FGF18: variants seen among roughly 807,000 people sequenced by gnomAD.
The protein encoded by FGF18 is fibroblast growth factor 18.
Under a neutral mutation model 23.0 loss-of-function variants are expected in FGF18, and 5 were observed. The observed-to-expected ratio is 0.22, with a 90% CI of 0.11 to 0.46. The LOEUF (loss-of-function observed/expected upper bound fraction) is 0.46. Among genes scored for constraint, FGF18 ranks in the 20% least tolerant of loss-of-function variants. The probability of loss-of-function intolerance (pLI) is 0.99; values close to 1 mark genes in which losing one functional copy is unlikely to be tolerated. For missense variants in FGF18, 180 were observed against 291.6 expected, an observed-to-expected ratio of 0.62 and a Z score of 2.79; for synonymous variants, 117 against 118.9, an observed-to-expected ratio of 0.98 and a Z score of 0.10.
chr5:171,452,151 G>A lies in FGF18; in HGVS notation c.357+2898G>A, dbSNP rs570079887. Among the ~76,000 whole-genome samples, 20 of 152,350 alleles carry A rather than the reference G, an allele frequency of 1.3e-4. No homozygotes were observed. In the South Asian group the frequency reaches 3.9e-3, roughly 30 times the overall value. ...CACATCAACCCAAGGGAGTCTAAGC[G>A]CCCTGGCCTTGCTGAGCCTCAGCGT... On this transcript the variant is annotated intron_variant, in intron 4 of 4. Coordinates refer to ENST00000274625, the MANE Select transcript of FGF18 (RefSeq NM_003862.3).
chr5:171,421,715 G>A (rs936425664), intron 2 of FGF18, among the ~76,000 whole-genome samples: 1 of 152,172 alleles, frequency 6.6e-6, no homozygotes, highest in Non-Finnish European at 1.5e-5. Flanking sequence ...CACTGAGCTG[G>A]GGGCATCCAT....
chr5:171,423,073 T>G (rs1772040513), intron 2 of FGF18, among the ~76,000 whole-genome samples: 1 of 152,154 alleles, frequency 6.6e-6, no homozygotes, highest in Admixed American at 6.5e-5. Flanking sequence ...GCGGTGGAGT[T>G]TCTGGGCCCC....
chr5:171,423,690 C>G (rs1296328758), intron 2 of FGF18, among the ~76,000 whole-genome samples: 3 of 151,568 alleles, frequency 2.0e-5, no homozygotes, highest in Admixed American at 2.0e-4. Flanking sequence ...TAGACCCTTT[C>G]TTTAAGCTGG....
At position 171,433,491 on chromosome 5, in the gene FGF18, G is replaced by A. The variant is rs145150019; in HGVS notation, c.70-2602G>A. Among the ~76,000 whole-genome samples, 152 of 152,314 alleles carry A rather than the reference G, an allele frequency of 1.0e-3. 1 individual carries two copies. The highest frequency in any genetic ancestry group is 3.5e-3 in the African/African-American group (144 of 41,560). ...ATTCCAGGAAGGTCAAAGGCCATGG[G>A]TGGGGAGTCTTCCGGACAAATGCCC... is the stretch of plus-strand genomic sequence containing the variant. On this transcript the variant is annotated intron_variant, in intron 2 of 4. Transcript: ENST00000274625.
chr5:171,429,628 G>A (rs974538430), intron 2 of FGF18, among the ~76,000 whole-genome samples: 7 of 152,260 alleles, frequency 4.6e-5, no homozygotes, highest in African/African-American at 1.4e-4. Context: ...CAGGTGGTGT[G>A]GAATGTGGCT....
intron 2 of FGF18, among the ~76,000 whole-genome samples, chr5:171,426,064 CG>C (rs1561884145): frequency 6.6e-6 from 1 of 152,082 alleles, no homozygotes; most frequent in African/African-American, 2.4e-5. Flanking sequence ...TGTGTGACCT[CG>C]GGCAAGTTAC....
chr5:171,420,498 G>A (rs1056936359), intron 2 of FGF18, 55 bp downstream of exon 2: 1 of 1,546,782 alleles, frequency 6.5e-7, no homozygotes. Context: ...GGTACACGCC[G>A]ACCCCCCTTC....
chr5:171,439,755 G>A (rs530914574), intron 3 of FGF18, among the ~76,000 whole-genome samples: 33 of 152,282 alleles, frequency 2.2e-4, no homozygotes, highest in Middle Eastern at 6.8e-3. Flanking sequence ...GAAGGAGAGG[G>A]GGCCAGCTGA....
chr5:171,447,759 G>GTA (rs1772440013), intron 3 of FGF18, among the ~76,000 whole-genome samples: 1 of 152,080 alleles, frequency 6.6e-6, no homozygotes, highest in South Asian at 2.1e-4. Context: ...GGGCACTGAG[G>GTA]TATACTCTTT....
Position 171,431,209 on chromosome 5 carries a change from G to C in FGF18, c.70-4884G>C, listed in dbSNP as rs114781230. 1.1e-3 allele frequency among the ~76,000 whole-genome samples: 169 copies of C among 152,344 alleles called. 1 individual carries two copies. Among genetic ancestry groups the C allele is most frequent in the African/African-American group, 3.6e-3 (148 of 41,586 alleles). ...GTTGATCTCTGGAAGCTGGTACTAG[G>C]CTGGGGGCTCACCTCAACCTCTTTT... On this transcript the variant is annotated intron_variant, in intron 2 of 4. Transcript: ENST00000274625.
chr5:171,435,803 AT>A (rs1274257569), intron 2 of FGF18, among the ~76,000 whole-genome samples: 1 of 152,188 alleles, frequency 6.6e-6, no homozygotes, highest in African/African-American at 2.4e-5. Context: ...TTGCTTTAAT[AT>A]GTGGCTGTGG....
rs1309830681 is a variant in FGF18, at chr5:171,434,363, C to A, written c.70-1730C>A. Among the ~76,000 whole-genome samples the A allele has an allele frequency of 6.6e-6, 1 of 152,196 alleles. No individual in the cohort carries two copies. Among genetic ancestry groups the A allele is most frequent in the East Asian group, 1.9e-4 (1 of 5,200 alleles). ...CCAGTCCAGGATCGGGAGATACATG[C>A]AGGTCAGCTTGGGGACAGAGATCCT... On this transcript the variant is annotated intron_variant, in intron 2 of 4. Transcript: ENST00000274625. This position sits in a 1 kb window ranked among gnomAD's most constrained non-coding sequence, Gnocchi z 4.6.
At chr5:171,430,994 G>A (rs534952972) in intron 2 of FGF18, among the ~76,000 whole-genome samples, 20 of 152,242 alleles carry the variant, frequency 1.3e-4, no homozygotes, top group East Asian at 3.9e-4. Flanking sequence ...TGAGTGTTGC[G>A]TGTGTGGTGT....
chr5:171,446,024 C>A (rs1772414130), intron 3 of FGF18, among the ~76,000 whole-genome samples: 1 of 152,160 alleles, frequency 6.6e-6, no homozygotes, highest in Admixed American at 6.5e-5. Context: ...TTTTCTCTCT[C>A]CCTCTCTCTC....
intron 2 of FGF18, among the ~76,000 whole-genome samples, chr5:171,428,291 C>T (rs1321751760): frequency 6.6e-6 from 1 of 152,118 alleles, no homozygotes; most frequent in Non-Finnish European, 1.5e-5. Context: ...TGAATCCCCC[C>T]ACCCACTCAT....
chr5:171,426,624 G>A (rs1044903166), intron 2 of FGF18, among the ~76,000 whole-genome samples: 1 of 152,240 alleles, frequency 6.6e-6, no homozygotes, highest in Non-Finnish European at 1.5e-5. Flanking sequence ...CAAGGATGGG[G>A]CCAAAGACAA....
intron 3 of FGF18, among the ~76,000 whole-genome samples, chr5:171,444,714 T>C (rs930228501): frequency 6.6e-6 from 1 of 152,220 alleles, no homozygotes; most frequent in African/African-American, 2.4e-5. Context: ...ACTCAGACCT[T>C]ACCCTGCTCT....
rs11952217 is a variant in FGF18, at chr5:171,433,405, G to A, written c.70-2688G>A. On this transcript the variant is annotated intron_variant, in intron 2 of 4. Transcript: ENST00000274625. The stretch of plus-strand genomic sequence containing the variant: ...GAGCAGGAGGAGAGTAGAAGGACAG[G>A]GAGGGGACGCCAGAGGCCTGCCCTT... Among the ~76,000 whole-genome samples, 1,253 of 152,256 alleles carry A rather than the reference G, an allele frequency of 8.2e-3. 15 individuals carry two copies. Among genetic ancestry groups the A allele is most frequent in the African/African-American group, 0.029 (1,187 of 41,540 alleles).
chr5:171,442,402 C>A (rs1772360169), intron 3 of FGF18, among the ~76,000 whole-genome samples: 1 of 152,162 alleles, frequency 6.6e-6, no homozygotes, highest in African/African-American at 2.4e-5. Context: ...CTCGGTGTGA[C>A]CTCTCAGTGC....
Sources: allele counts gnomAD v4.1 joint callset (sites outside exome capture counted in the v4.1 genomes callset), GRCh38; gene constraint gnomAD v4.1.1; non-coding constraint Gnocchi (gnomAD v3.1); transcripts MANE v1.5; gene names NCBI Gene and HGNC (gene_info 2026-07-23, HGNC 2026-07-21).